FBXO46: variants seen among roughly 807,000 people sequenced by gnomAD.
The protein encoded by FBXO46 is F-box protein 46.
In FBXO46, 13 loss-of-function variants were observed where a neutral mutation model predicts 30.7. That is an observed-to-expected ratio of 0.42 (90% confidence interval 0.28 to 0.67). The LOEUF is 0.67. FBXO46 is among the 30% of genes least tolerant of loss of function. FBXO46 has a pLI of 0.21. For synonymous variants in FBXO46, 467 were observed against 385.8 expected (o/e 1.21, Z -2.47); for missense variants, 754 against 871.5 (o/e 0.87, Z 1.70).
In FBXO46 at chr19:45,711,296, TGAGG is replaced by T. The variant is rs1450682892; in HGVS notation, c.*384_*387del. ...CAGCTCCAGCGAGAAAGAATTGGGG[TGAGG>T]GAGAGGATGGGGGCCAGAATGGGGG... On this transcript the variant is annotated 3_prime_UTR_variant, in exon 2 of 2. Transcript: ENST00000317683. 2 of 419,704 alleles carry T rather than the reference TGAGG, an allele frequency of 4.8e-6. No individual in the cohort carries two copies. Among genetic ancestry groups the T allele is most frequent in the South Asian group, 1.8e-5 (1 of 56,960 alleles). The allele number at this position is 419,704 out of a possible 1,614,324, so 26.0% of individuals were successfully genotyped here. A position where few individuals can be genotyped will look rare whatever the true frequency, so the allele number is the denominator to read the frequency against.
chr19:45,711,580 G>T lies in FBXO46; in HGVS notation c.*104C>A. The T allele has an allele frequency of 2.2e-6, 2 of 895,130 alleles. No homozygotes were observed. Among genetic ancestry groups the T allele is most frequent in the Non-Finnish European group, 3.6e-6 (2 of 561,832 alleles). The allele number at this position is 895,130 out of a possible 1,614,324, so 55.4% of individuals were successfully genotyped here. A position where few individuals can be genotyped will look rare whatever the true frequency, so the allele number is the denominator to read the frequency against. Reference sequence around the variant, plus strand: ...TCAGTTCCGGTGAGGGATCAATGCTGCCTGGAGTAGGGGAATGGGCAGGCG... The same window carrying T: ...TCAGTTCCGGTGAGGGATCAATGCTTCCTGGAGTAGGGGAATGGGCAGGCG... On this transcript the variant is annotated 3_prime_UTR_variant, in exon 2 of 2. Transcript: ENST00000317683.
intron 1 of FBXO46, among the ~76,000 whole-genome samples, chr19:45,721,631 G>C (rs1040573482): frequency 4.0e-4 from 56 of 139,304 alleles, no homozygotes; most frequent in African/African-American, 1.5e-3. Flanking sequence ...CGGCTCACTC[G>C]AACCTCTGCC....
Position 45,712,722 on chromosome 19 carries a change from C to T in FBXO46, c.774G>A (p.Glu258=), listed in dbSNP as rs1326666984. 6.2e-7 allele frequency: 1 copy of T among 1,612,362 alleles called. No individual in the cohort carries two copies. The highest frequency in any genetic ancestry group is 8.5e-7 in the Non-Finnish European group (1 of 1,179,332). The part of the protein sequence containing the change: ...KEERPGPGPG[E]VRIAFRISNG... ...TGGAGATGCGGAAGGCGATGCGCAC[C>T]TCCCCAGGGCCTGGCCCGGGCCGCT... Residue 258 remains glutamate, a synonymous_variant, in exon 2 of 2, where the codon GAG becomes GAA. Coordinates refer to ENST00000317683, the MANE Select transcript of FBXO46 (RefSeq NM_001080469.2). This position sits in a 1 kb window ranked among gnomAD's most constrained non-coding sequence, Gnocchi z 8.8.
In FBXO46 at chr19:45,711,493, G is replaced by C; in HGVS notation, c.*191C>G. On this transcript the variant is annotated 3_prime_UTR_variant, in exon 2 of 2. Coordinates refer to ENST00000317683, the MANE Select transcript of FBXO46 (RefSeq NM_001080469.2). Reference sequence around the variant, plus strand: ...GAGGGTCCACGGCCCTGGTTCTGAAGAGTAGAAAATCAACAGGATCAAGCA... The same window carrying C: ...GAGGGTCCACGGCCCTGGTTCTGAACAGTAGAAAATCAACAGGATCAAGCA... The C allele has an allele frequency of 1.4e-6, 1 of 701,080 alleles. No individual in the cohort carries two copies. The allele number at this position is 701,080 out of a possible 1,614,324, so 43.4% of individuals were successfully genotyped here.
intron 1 of FBXO46, among the ~76,000 whole-genome samples, chr19:45,721,174 C>T (rs1968165381): frequency 6.6e-6 from 1 of 151,914 alleles, no homozygotes; most frequent in African/African-American, 2.4e-5. Context: ...GGCAACATGG[C>T]AAAACCCCGT....
At chr19:45,717,294 C>T (rs1405587151) in intron 1 of FBXO46, 1 of 152,206 alleles carries the variant, frequency 6.6e-6, no homozygotes, top group African/African-American at 2.4e-5. Context: ...CGGGAGAAGG[C>T]TGCAGCCCAC....
chr19:45,721,017 A>G (rs1968162971), intron 1 of FBXO46, among the ~76,000 whole-genome samples: 2 of 133,408 alleles, frequency 1.5e-5, no homozygotes, highest in Non-Finnish European at 3.2e-5. Context: ...AAAAAAAAAA[A>G]GAAGTGAAGC....
upstream of FBXO46, among the ~76,000 whole-genome samples, chr19:45,731,846 G>T (rs1449157692): frequency 6.6e-6 from 1 of 151,330 alleles, no homozygotes; most frequent in Non-Finnish European, 1.5e-5. Flanking sequence ...GGCCGGGCGC[G>T]GTGGCTCACG....
chr19:45,728,666 G>A (rs994678416), intron 1 of FBXO46, among the ~76,000 whole-genome samples: 7 of 152,012 alleles, frequency 4.6e-5, no homozygotes, highest in East Asian at 1.9e-4. Context: ...TAAGACCCGC[G>A]TCTCTACAAA....
In FBXO46 at chr19:45,712,388, C is replaced by G. The variant is rs755711573; in HGVS notation, c.1108G>C (p.Val370Leu). ...ATGCACTCATCTACCACGCCCGTCA[C>G]CACCACGTCCACGTGGAAGCCTGAC... Reference protein sequence around the residue: ...GASGFHVDVVVTGVVDECIFF... With the variant: ...GASGFHVDVVLTGVVDECIFF... Residue 370 changes from valine to leucine, a missense_variant, in exon 2 of 2, where the codon GTG (valine) becomes CTG (leucine). This residue lies in a region of FBXO46 where 454 missense variants were observed against 426.5 expected (regional missense o/e 1.06). Coordinates refer to ENST00000317683, the MANE Select transcript of FBXO46 (RefSeq NM_001080469.2). This position sits in a 1 kb window ranked among gnomAD's most constrained non-coding sequence, Gnocchi z 8.8. 6.2e-7 allele frequency: 1 copy of G among 1,606,030 alleles called. No homozygotes were observed. The highest frequency in any genetic ancestry group is 1.3e-5 in the African/African-American group (1 of 75,060).
chr19:45,724,265 A>G (rs1568549134), intron 1 of FBXO46, among the ~76,000 whole-genome samples: 1 of 152,202 alleles, frequency 6.6e-6, no homozygotes, highest in Non-Finnish European at 1.5e-5. Context: ...CCCCAAACCA[A>G]TAGGTTTTCA....
At position 45,711,615 on chromosome 19, in the gene FBXO46, G is replaced by C. The variant is rs772834507; in HGVS notation, c.*69C>G. On this transcript the variant is annotated 3_prime_UTR_variant, in exon 2 of 2. Transcript: ENST00000317683. ...GGGGAATGGGCAGGCGGCCCAGTCC[G>C]GACCCTCGGCTCCCGGGGGGAGAGG... The C allele has an allele frequency of 2.4e-6, 3 of 1,267,738 alleles. No homozygotes were observed. Among genetic ancestry groups the C allele is most frequent in the African/African-American group, 1.5e-5 (1 of 67,806 alleles). The allele number at this position is 1,267,738 out of a possible 1,614,324, so 78.5% of individuals were successfully genotyped here.
intron 1 of FBXO46, among the ~76,000 whole-genome samples, chr19:45,718,467 C>A (rs1170385004): frequency 6.6e-6 from 1 of 152,108 alleles, no homozygotes; most frequent in East Asian, 1.9e-4. Context: ...TCACCCAGGG[C>A]GTCCATGCGG....
chr19:45,712,093 T>C lies in FBXO46; in HGVS notation c.1403A>G (p.Glu468Gly), dbSNP rs1967982712. 1 of 1,603,846 alleles carries C rather than the reference T, an allele frequency of 6.2e-7. No individual in the cohort carries two copies. The highest frequency in any genetic ancestry group is 1.3e-5 in the African/African-American group (1 of 74,886). ...EIRFKIQRLL[E>G]PRQYMLLLPE... ...CAGCAGCAGCATGTACTGTCGCGGC[T>C]CCAGCAGCCGCTGAATCTTGAAGCG... The change falls in exon 2 of 2, where the codon GAG (glutamate) becomes GGG (glycine). Residue 468 changes from glutamate to glycine, a missense_variant. Physicochemically the swap from Glu to Gly is moderately conservative, Grantham distance 98 (BLOSUM62 -2). Coordinates refer to ENST00000317683, the MANE Select transcript of FBXO46 (RefSeq NM_001080469.2). The surrounding 1 kb of genome is among the most constrained non-coding windows in gnomAD (Gnocchi z 8.8).
At chr19:45,728,091 C>T (rs961660161) in intron 1 of FBXO46, among the ~76,000 whole-genome samples, 3 of 152,196 alleles carry the variant, frequency 2.0e-5, no homozygotes, top group Non-Finnish European at 4.4e-5. Flanking sequence ...CGCCCGCCAC[C>T]ACGCCCAGCT....
chr19:45,721,269 C>T (rs542619938), intron 1 of FBXO46, among the ~76,000 whole-genome samples: 7 of 152,000 alleles, frequency 4.6e-5, no homozygotes, highest in South Asian at 4.2e-4. Flanking sequence ...CGCTTGAGCC[C>T]GGAAGTGGAG....
In FBXO46 at chr19:45,712,225, G is replaced by A. The variant is rs1207276877; in HGVS notation, c.1271C>T (p.Pro424Leu). ...GGGCGCAGTGGCCGGGGAGTCGGCC[G>A]GGGGTGGCTCCGGGGGCCCGTCCGG... Reference protein sequence around the residue: ...RGPDGPPEPPPADSPATAPGP... With the variant: ...RGPDGPPEPPLADSPATAPGP... The change falls in exon 2 of 2, where the codon CCG becomes CTG. Residue 424 changes from proline to leucine, a missense_variant. Around this residue, in one of 5 missense-constraint regions of FBXO46, gnomAD observed 454 missense variants for 426.5 expected, o/e 1.06. Transcript: ENST00000317683. The surrounding 1 kb of genome is among the most constrained non-coding windows in gnomAD (Gnocchi z 8.8). The A allele has an allele frequency of 1.2e-6, 2 of 1,605,300 alleles. No individual in the cohort carries two copies. The highest frequency in any genetic ancestry group is 8.5e-7 in the Non-Finnish European group (1 of 1,177,770).
chr19:45,721,606 G>A (rs930322345), intron 1 of FBXO46, among the ~76,000 whole-genome samples: 1 of 145,686 alleles, frequency 6.9e-6, no homozygotes, highest in African/African-American at 2.6e-5. Context: ...AGGCTGGAGT[G>A]CAGTGGCACG....
chr19:45,727,263 GA>G (rs60110826), intron 1 of FBXO46, among the ~76,000 whole-genome samples: 66,775 of 146,836 alleles, frequency 0.45, 15,479 homozygotes, highest in East Asian at 0.65. Flanking sequence ...CAAAAAAAAA[GA>G]AAAAAAAAAA....
Sources: gnomAD v4.1 joint callset for allele counts (sites outside exome capture counted in the v4.1 genomes callset) on GRCh38, gnomAD v4.1.1 for gene constraint, gnomAD v4.1.1 regional missense constraint, Gnocchi (gnomAD v3.1) non-coding constraint, MANE v1.5 for transcripts, NCBI Gene and HGNC (gene_info 2026-07-23, HGNC 2026-07-21) for gene names.